Variants in CIMAP2 observed in about 807,000 individuals in gnomAD.
The protein encoded by CIMAP2 is ciliary microtubule associated protein 2, also known as ciliary microtubule-associated protein 2.
chr1:54,817,029 T>C, the CIMAP2 span: 9 of 1,614,056 alleles, frequency 5.6e-6, no homozygotes, highest in African/African-American at 1.1e-4. Context: ...ACCTGGCTGA[T>C]GGAGACAAAG....
chr1:54,829,753 T>G, the CIMAP2 span, among the ~76,000 whole-genome samples: 1 of 152,330 alleles, frequency 6.6e-6, no homozygotes, highest in South Asian at 2.1e-4. Context: ...TATGCTCTGG[T>G]TTCATGAAGG....
chr1:54,814,835 C>G, the CIMAP2 span: 1 of 1,590,634 alleles, frequency 6.3e-7, no homozygotes, highest in Non-Finnish European at 8.6e-7. Context: ...GTCAGCTGGC[C>G]AGAGCCCTCA....
chr1:54,822,892 CTT>C, the CIMAP2 span, among the ~76,000 whole-genome samples: 3 of 152,146 alleles, frequency 2.0e-5, no homozygotes, highest in East Asian at 1.9e-4. Context: ...CAAAGTTCCT[CTT>C]GTTATTGATT....
the CIMAP2 span, chr1:54,811,952 G>A: frequency 1.2e-6 from 2 of 1,614,106 alleles, no homozygotes; most frequent in Admixed American, 1.7e-5. Context: ...GGCTGGCCAG[G>A]CCTTGCCTGC....
At chr1:54,825,287 G>A in the CIMAP2 span, among the ~76,000 whole-genome samples, 13 of 151,828 alleles carry the variant, frequency 8.6e-5, no homozygotes, top group Admixed American at 1.3e-4. Flanking sequence ...TCCTGACCTC[G>A]TGATCCTCCC....
the CIMAP2 span, chr1:54,813,744 G>A: frequency 1.5e-5 from 22 of 1,480,118 alleles, no homozygotes; most frequent in Admixed American, 1.8e-4. Flanking sequence ...CTCTGGTTGC[G>A]GGGGAGGGTT....
the CIMAP2 span, chr1:54,813,664 G>C: frequency 1.8e-5 from 15 of 850,080 alleles, no homozygotes; most frequent in Admixed American, 3.1e-4. Flanking sequence ...GGGGGGCCTT[G>C]AGGCTGGCCC....
At chr1:54,814,776 G>A in the CIMAP2 span, 2 of 1,239,012 alleles carry the variant, frequency 1.6e-6, no homozygotes, top group South Asian at 3.0e-5. Context: ...AGATAGCTGG[G>A]TACCTCCACC....
the CIMAP2 span, among the ~76,000 whole-genome samples, chr1:54,821,251 TTTTG>T: frequency 4.6e-5 from 7 of 152,206 alleles, no homozygotes; most frequent in Admixed American, 4.6e-4. Flanking sequence ...ATTTGTGTAT[TTTTG>T]TTTTTGTTGC....
At chr1:54,812,267 C>T in the CIMAP2 span, 12 of 1,574,312 alleles carry the variant, frequency 7.6e-6, no homozygotes, top group Middle Eastern at 1.7e-4. Flanking sequence ...ACCAGGAACA[C>T]CAGCCTGTGT....
At chr1:54,841,531 G>T in the CIMAP2 span, 14 of 1,603,256 alleles carry the variant, frequency 8.7e-6, no homozygotes, top group South Asian at 1.1e-5. Flanking sequence ...CAGGGACTAT[G>T]ATTTTATACC....
the CIMAP2 span, among the ~76,000 whole-genome samples, chr1:54,806,687 A>G: frequency 1.6e-5 from 2 of 121,474 alleles, no homozygotes; most frequent in South Asian, 6.1e-4. Context: ...CCCTGTACTC[A>G]TGGAGTTTGC....
the CIMAP2 span, among the ~76,000 whole-genome samples, chr1:54,815,779 C>A: frequency 1.3e-5 from 2 of 152,092 alleles, no homozygotes; most frequent in Non-Finnish European, 1.5e-5. Context: ...CACATAATGG[C>A]CGTAACTATC....
At chr1:54,835,642 T>G in the CIMAP2 span, among the ~76,000 whole-genome samples, 1 of 152,156 alleles carries the variant, frequency 6.6e-6, no homozygotes. Flanking sequence ...CATATATTTC[T>G]CAAAAATTGA....
the CIMAP2 span, among the ~76,000 whole-genome samples, chr1:54,819,856 CCTTCCTTCCT>C: frequency 8.1e-6 from 1 of 123,868 alleles, no homozygotes; most frequent in African/African-American, 3.5e-5. Context: ...TTCTTTCCTT[CCTTCCTTCCT>C]CTCTTTCTTC....
the CIMAP2 span, among the ~76,000 whole-genome samples, chr1:54,816,065 A>G: frequency 6.6e-6 from 1 of 152,134 alleles, no homozygotes; most frequent in Non-Finnish European, 1.5e-5. Context: ...AGAGTCCCCA[A>G]ATGAAATGTT....
At chr1:54,812,282 G>T in the CIMAP2 span, 1 of 1,538,374 alleles carries the variant, frequency 6.5e-7, no homozygotes. Context: ...CTGTGTGCCA[G>T]GCTCTGCACC....
At chr1:54,821,929 C>T in the CIMAP2 span, among the ~76,000 whole-genome samples, 442 of 68,610 alleles carry the variant, frequency 6.4e-3, 17 homozygotes, top group African/African-American at 0.019. Context: ...GACGGAGTCT[C>T]GCTCTGTCGC....
the CIMAP2 span, among the ~76,000 whole-genome samples, chr1:54,808,253 G>T: frequency 2.6e-5 from 4 of 152,140 alleles, no homozygotes; most frequent in Non-Finnish European, 5.9e-5. Context: ...AATATAATAC[G>T]TATATAAGCA....
Sources: gnomAD v4.1 joint callset for allele counts (sites outside exome capture counted in the v4.1 genomes callset) on GRCh38, gnomAD v4.1.1 for gene constraint, MANE v1.5 for transcripts, NCBI Gene and HGNC (gene_info 2026-07-23, HGNC 2026-07-21) for gene names.